TTC39B: variants seen among roughly 807,000 people sequenced by gnomAD.
TTC39B encodes the protein tetratricopeptide repeat protein 39B.
In TTC39B, 92 loss-of-function variants were observed where a neutral mutation model predicts 96.6. The ratio of observed to expected loss-of-function variants is 0.95; its 90% CI spans 0.80 to 1.13. The LOEUF (loss-of-function observed/expected upper bound fraction) is 1.13. Ranked by LOEUF, TTC39B falls within the 50% of genes most tolerant of loss-of-function variation. TTC39B has a pLI of 0.00. For synonymous variants in TTC39B, 367 were observed against 299.4 expected (o/e 1.23, Z -2.33); for missense variants, 955 against 809.3 (o/e 1.18, Z -2.18).
At chr9:15,226,656 ACTGT>A (rs1821139104) in intron 2 of TTC39B, among the ~76,000 whole-genome samples, 1 of 152,328 alleles carries the variant, frequency 6.6e-6, no homozygotes, top group African/African-American at 2.4e-5. Flanking sequence ...TTTTTAATAA[ACTGT>A]CTAATTTCCC....
At chr9:15,190,941 C>T (rs1818823770) in intron 10 of TTC39B, among the ~76,000 whole-genome samples, 1 of 151,928 alleles carries the variant, frequency 6.6e-6, no homozygotes. Flanking sequence ...TAGCAAGAAG[C>T]AATATTAGCA....
chr9:15,191,379 C>T, intron 9 of TTC39B, 124 bp from the exon 10 acceptor site: 5 of 623,974 alleles, frequency 8.0e-6, no homozygotes, highest in Non-Finnish European at 2.8e-6. Context: ...GTTTTAACCA[C>T]CAGATATTTC....
exon 20 of TTC39B, chr9:15,167,007 TATATATA>T (rs1817536163): frequency 1.2e-3 from 9 of 7,388 alleles, no homozygotes; most frequent in Admixed American, 3.0e-3. Flanking sequence ...TATATATATA[TATATATA>T]TATATATATA....
At chr9:15,268,367 A>G (rs1586983036) in intron 1 of TTC39B, among the ~76,000 whole-genome samples, 1 of 151,710 alleles carries the variant, frequency 6.6e-6, no homozygotes, top group Non-Finnish European at 1.5e-5. Context: ...ATATTGCACC[A>G]CCCTCTCAGC....
At chr9:15,264,188 C>T (rs1054896953) in intron 2 of TTC39B, among the ~76,000 whole-genome samples, 2 of 152,082 alleles carry the variant, frequency 1.3e-5, no homozygotes, top group African/African-American at 4.8e-5. Flanking sequence ...TTCTCGAATT[C>T]CCCACTTTAA....
At chr9:15,252,608 A>T (rs1029402472) in intron 2 of TTC39B, among the ~76,000 whole-genome samples, 1 of 152,174 alleles carries the variant, frequency 6.6e-6, no homozygotes, top group African/African-American at 2.4e-5. Flanking sequence ...AGATGGCGCT[A>T]TGGCACTCCA....
intron 2 of TTC39B, among the ~76,000 whole-genome samples, chr9:15,251,393 T>C (rs2131506856): frequency 6.6e-6 from 1 of 150,602 alleles, no homozygotes; most frequent in Admixed American, 6.6e-5. Flanking sequence ...AGAAACCCCG[T>C]CTCCTCTAAA....
chr9:15,168,975 C>T (rs1166548330), exon 20 of TTC39B: 2 of 152,064 alleles, frequency 1.3e-5, no homozygotes, highest in African/African-American at 2.4e-5. Context: ...TACACACTCC[C>T]TGCTGATTTG....
intron 15 of TTC39B, among the ~76,000 whole-genome samples, chr9:15,185,864 G>C (rs1818497048): frequency 6.6e-6 from 1 of 152,174 alleles, no homozygotes; most frequent in South Asian, 2.1e-4. Flanking sequence ...GTATTACACA[G>C]ATCTATAAAA....
At chr9:15,282,668 T>A (rs1247769230) in intron 1 of TTC39B, among the ~76,000 whole-genome samples, 3 of 152,168 alleles carry the variant, frequency 2.0e-5, no homozygotes, top group Non-Finnish European at 4.4e-5. Flanking sequence ...CCACAAACTT[T>A]TACATATAAC....
chr9:15,210,346 T>TA (rs1008345841), intron 5 of TTC39B, among the ~76,000 whole-genome samples, 182 bp from the exon 6 acceptor site: 1 of 152,230 alleles, frequency 6.6e-6, no homozygotes, highest in African/African-American at 2.4e-5. Context: ...CAGCACTGGC[T>TA]AGCCATTTGT....
chr9:15,240,930 A>G (rs1453853555), intron 2 of TTC39B, among the ~76,000 whole-genome samples: 1 of 152,202 alleles, frequency 6.6e-6, no homozygotes, highest in African/African-American at 2.4e-5. Context: ...TTATTACTTT[A>G]TGCATATTTA....
intron 2 of TTC39B, among the ~76,000 whole-genome samples, chr9:15,260,836 A>G (rs1822918858): frequency 6.6e-6 from 1 of 152,200 alleles, no homozygotes; most frequent in East Asian, 1.9e-4. Context: ...AAATCTGCCT[A>G]TTTCACCTTC....
chr9:15,276,337 G>A (rs1248232448), intron 1 of TTC39B, among the ~76,000 whole-genome samples: 1 of 152,128 alleles, frequency 6.6e-6, no homozygotes, highest in Non-Finnish European at 1.5e-5. Flanking sequence ...TATCCCTATA[G>A]AAAATCCTTT....
rs908183284 is a variant in TTC39B at position 15,194,290 on chromosome 9, A to C, written c.825-1595T>G. 1.4e-4 allele frequency among the ~76,000 whole-genome samples: 21 copies of C among 152,208 alleles called. 1 individual carries two copies. The highest frequency in any genetic ancestry group is 1.3e-3 in the Admixed American group (20 of 15,284). On this transcript the variant is annotated intron_variant, in intron 8 of 19. Coordinates refer to ENST00000512701, the Ensembl canonical transcript of TTC39B. ...GCTAGAATTCTTTTTAAATCTTTTAATATTAAACCTATATGGACTTTTTTC... is the reference window on the plus strand; with the variant it reads ...GCTAGAATTCTTTTTAAATCTTTTACTATTAAACCTATATGGACTTTTTTC...
chr9:15,269,525 C>T (rs1377510846), intron 1 of TTC39B, among the ~76,000 whole-genome samples: 3 of 152,230 alleles, frequency 2.0e-5, no homozygotes, highest in South Asian at 2.1e-4. Flanking sequence ...CTGGATTCTG[C>T]GGTGAGGCAG....
chr9:15,163,811 C>T (rs1400750298), exon 20 of TTC39B: 1 of 152,116 alleles, frequency 6.6e-6, no homozygotes, highest in Non-Finnish European at 1.5e-5. Context: ...GATTTATTTG[C>T]ACTTAAAAAT....
chr9:15,254,185 C>T (rs1010775674), intron 2 of TTC39B, among the ~76,000 whole-genome samples: 5 of 151,648 alleles, frequency 3.3e-5, no homozygotes, highest in Non-Finnish European at 5.9e-5. Flanking sequence ...AAGAACCATG[C>T]AATGAAGGCA....
At chr9:15,294,395 G>A (rs1253837122) in intron 1 of TTC39B, among the ~76,000 whole-genome samples, 2 of 152,166 alleles carry the variant, frequency 1.3e-5, no homozygotes, top group African/African-American at 2.4e-5. Flanking sequence ...ACATCTAGGT[G>A]CTACCTGAAA....
Sources: gnomAD v4.1 joint callset for allele counts (sites outside exome capture counted in the v4.1 genomes callset) on GRCh38, gnomAD v4.1.1 for gene constraint, MANE v1.5 for transcripts, NCBI Gene and HGNC (gene_info 2026-07-23, HGNC 2026-07-21) for gene names.